Variants in MACROD2 observed in about 807,000 individuals in gnomAD.
MACROD2 encodes ADP-ribose glycohydrolase MACROD2.
MACROD2 carries 36 observed loss-of-function variants against 70.4 expected under a neutral mutation model. That is an observed-to-expected ratio of 0.51 (90% CI 0.39 to 0.68). MACROD2 has a LOEUF of 0.68. Ranked by LOEUF, MACROD2 falls within the 30% of genes least tolerant of loss-of-function variation. The pLI is 0.00. For missense variants in MACROD2, 496 were observed against 538.4 expected (o/e 0.92, Z 0.78); for synonymous variants, 172 against 178.8 (o/e 0.96, Z 0.30).
rs146206795 is a variant in MACROD2, at chr20:15,524,663, G to A, written c.645+24816G>A. ...ACCTATAGGAAATCCCAGGACTGGG[G>A]AATTGTATAATAGAGGGACTTATTT... is the stretch of plus-strand genomic sequence containing the variant. On this transcript the variant is annotated intron_variant, in intron 8 of 17. Transcript: ENST00000684519. Among the ~76,000 whole-genome samples the A allele has an allele frequency of 1.1e-3, 170 of 152,252 alleles. 1 individual carries two copies. The highest frequency in any genetic ancestry group is 3.9e-3 in the African/African-American group (164 of 41,548).
chr20:14,771,015 T>TGAGA (rs1387905384), intron 5 of MACROD2, among the ~76,000 whole-genome samples: 1 of 152,098 alleles, frequency 6.6e-6, no homozygotes, highest in African/African-American at 2.4e-5. Context: ...TGTTTCTGGA[T>TGAGA]GAGATTAGCA....
chr20:15,663,828 C>T (rs1321599795), intron 8 of MACROD2, among the ~76,000 whole-genome samples: 2 of 151,990 alleles, frequency 1.3e-5, no homozygotes, highest in African/African-American at 2.4e-5. Flanking sequence ...CCTTTTTCTT[C>T]CCCACATAAG....
intron 10 of MACROD2, chr20:15,893,544 A>T (rs6080011): frequency 0.6 from 216,990 of 364,076 alleles, 70,497 homozygotes; most frequent in Non-Finnish European, 0.71. Context: ...AATAAATGAC[A>T]CGGTCTCTCT....
intron 4 of MACROD2, among the ~76,000 whole-genome samples, chr20:14,543,603 G>A (rs1022435246): frequency 6.6e-6 from 1 of 152,100 alleles, no homozygotes; most frequent in Non-Finnish European, 1.5e-5. Flanking sequence ...CTATTTTACA[G>A]TTATAAATAG....
chr20:14,297,833 C>T (rs946253804), intron 3 of MACROD2, among the ~76,000 whole-genome samples: 4 of 151,916 alleles, frequency 2.6e-5, no homozygotes, highest in African/African-American at 9.7e-5. Flanking sequence ...AAGCTGCCAT[C>T]TAGGACTTTC....
At chr20:15,586,723 A>T (rs536716243) in intron 8 of MACROD2, among the ~76,000 whole-genome samples, 3 of 152,342 alleles carry the variant, frequency 2.0e-5, no homozygotes, top group Non-Finnish European at 4.4e-5. Flanking sequence ...AACTATTTGT[A>T]CAATAGAAAT....
intron 6 of MACROD2, among the ~76,000 whole-genome samples, chr20:15,342,662 T>C (rs1183305937): frequency 6.6e-6 from 1 of 152,156 alleles, no homozygotes; most frequent in Non-Finnish European, 1.5e-5. Flanking sequence ...CTCGATTGAA[T>C]TGCAAATACC....
chr20:14,143,531 TTC>T (rs2054904036), intron 3 of MACROD2, among the ~76,000 whole-genome samples: 1 of 152,142 alleles, frequency 6.6e-6, no homozygotes, highest in Non-Finnish European at 1.5e-5. Context: ...ATGTGTGGAA[TTC>T]CTGTTTGATG....
intron 7 of MACROD2, among the ~76,000 whole-genome samples, chr20:15,448,852 A>G (rs73272920): frequency 2.4e-3 from 363 of 152,268 alleles, no homozygotes; most frequent in African/African-American, 8.3e-3. Context: ...TTGTCTTACT[A>G]TAAAGATCCA....
chr20:14,468,813 A>T (rs550370153), intron 3 of MACROD2, among the ~76,000 whole-genome samples: 2 of 151,956 alleles, frequency 1.3e-5, no homozygotes, highest in African/African-American at 4.8e-5. Flanking sequence ...CCCAGCCTCT[A>T]TGTGTGTCAT....
intron 5 of MACROD2, among the ~76,000 whole-genome samples, chr20:14,848,709 C>T (rs2073168429): frequency 6.6e-6 from 1 of 152,094 alleles, no homozygotes; most frequent in Admixed American, 6.5e-5. Flanking sequence ...AAATATATTA[C>T]TAAAATTCTA....
intron 5 of MACROD2, among the ~76,000 whole-genome samples, chr20:15,111,534 G>A (rs1367522039): frequency 1.3e-5 from 2 of 152,068 alleles, no homozygotes; most frequent in Non-Finnish European, 2.9e-5. Context: ...AAGTTCTATG[G>A]TTGAGGCAAA....
chr20:15,584,330 A>G (rs1381207789), intron 8 of MACROD2, among the ~76,000 whole-genome samples: 1 of 151,360 alleles, frequency 6.6e-6, no homozygotes, highest in Admixed American at 6.6e-5. Context: ...ATAGAAAGAA[A>G]GCAAATTATA....
chr20:14,896,070 G>A (rs2048589779), intron 5 of MACROD2, among the ~76,000 whole-genome samples: 1 of 152,198 alleles, frequency 6.6e-6, no homozygotes, highest in Non-Finnish European at 1.5e-5. Flanking sequence ...GCCGAGGCGG[G>A]CAGATCACGA....
intron 5 of MACROD2, among the ~76,000 whole-genome samples, chr20:14,773,255 T>A (rs2072193539): frequency 1.3e-5 from 2 of 152,100 alleles, no homozygotes; most frequent in Admixed American, 6.6e-5. Context: ...GAATATCTGA[T>A]AGATGTATTA....
At chr20:15,490,250 C>CCCTTG (rs1244009704) in intron 7 of MACROD2, among the ~76,000 whole-genome samples, 2 of 146,566 alleles carry the variant, frequency 1.4e-5, no homozygotes, top group African/African-American at 5.0e-5. Flanking sequence ...CCCTTCCCTT[C>CCCTTG]CCTTCCCTTC....
At chr20:14,453,095 GC>G (rs1224948516) in intron 3 of MACROD2, among the ~76,000 whole-genome samples, 1 of 152,130 alleles carries the variant, frequency 6.6e-6, no homozygotes, top group East Asian at 1.9e-4. Flanking sequence ...TGTGGATAGA[GC>G]TTTTTTCTGT....
At chr20:15,459,242 T>G (rs1412247768) in intron 7 of MACROD2, among the ~76,000 whole-genome samples, 1 of 152,154 alleles carries the variant, frequency 6.6e-6, no homozygotes, top group Non-Finnish European at 1.5e-5. Context: ...CTCTTCTTCA[T>G]TACTATCTAT....
chr20:14,945,881 T>C (rs2074427465), intron 5 of MACROD2, among the ~76,000 whole-genome samples: 1 of 152,198 alleles, frequency 6.6e-6, no homozygotes, highest in Non-Finnish European at 1.5e-5. Context: ...CTAATTATTG[T>C]TGATGAAATT....
Sources: allele counts gnomAD v4.1 joint callset (sites outside exome capture counted in the v4.1 genomes callset), GRCh38; gene constraint gnomAD v4.1.1; transcripts MANE v1.5; gene names NCBI Gene and HGNC (gene_info 2026-07-23, HGNC 2026-07-21).